Variants in GALNT3 observed in about 807,000 individuals in gnomAD.
The protein encoded by GALNT3 is GalNAc transferase 3.
In GALNT3, 51 loss-of-function variants were observed where a neutral mutation model predicts 69.8. The observed-to-expected ratio is 0.73, with a 90% CI of 0.58 to 0.92. GALNT3 has a LOEUF of 0.92. Among genes scored for constraint, GALNT3 ranks in the 40% least tolerant of loss-of-function variants. GALNT3 has a pLI of 0.00. For synonymous variants in GALNT3, 265 were observed against 248.5 expected (o/e 1.07, Z -0.63); for missense variants, 711 against 760.0 (o/e 0.94, Z 0.76).
chr2:165,749,855 T>C lies in GALNT3; in HGVS notation c.1666A>G (p.Ile556Val). ...GCATGAAGACATAATTCCTTCTGGATGTTGTGCCGAATTTCATGTTGAGCA... is the reference window on the plus strand; with the variant it reads ...GCATGAAGACATAATTCCTTCTGGACGTTGTGCCGAATTTCATGTTGAGCA... The part of the protein sequence containing the change: ...YSAQHEIRHN[I>V]QKELCLHAAQ... The change falls in exon 10 of 11, where the codon ATC (isoleucine) becomes GTC (valine). Residue 556 changes from isoleucine to valine, a missense_variant. Ile to Val is a conservative substitution (Grantham distance 29). Coordinates refer to ENST00000392701, the MANE Select transcript of GALNT3 (RefSeq NM_004482.4). 6.2e-7 allele frequency: 1 copy of C among 1,613,656 alleles called. No individual in the cohort carries two copies. Among genetic ancestry groups the C allele is most frequent in the Non-Finnish European group, 8.5e-7 (1 of 1,179,656 alleles).
intron 2 of GALNT3, among the ~76,000 whole-genome samples, chr2:165,767,423 T>C (rs1005308610): frequency 2.6e-5 from 4 of 152,214 alleles, no homozygotes; most frequent in African/African-American, 9.6e-5. Flanking sequence ...ATTTAAAGTA[T>C]AAAATTTCAC....
intron 7 of GALNT3, among the ~76,000 whole-genome samples, chr2:165,756,474 C>T (rs1477718423): frequency 6.6e-6 from 1 of 152,048 alleles, no homozygotes; most frequent in East Asian, 1.9e-4. Context: ...AGACAGCATG[C>T]GTATTTCATC....
intron 1 of GALNT3, among the ~76,000 whole-genome samples, chr2:165,781,562 C>T (rs1440310051): frequency 2.0e-5 from 3 of 150,984 alleles, no homozygotes; most frequent in Non-Finnish European, 4.4e-5. Context: ...CCCACCACTG[C>T]GTTCCATCCT....
chr2:165,793,314 C>CGTGGATGGTGA (rs1683391273), intron 1 of GALNT3, among the ~76,000 whole-genome samples: 1 of 152,112 alleles, frequency 6.6e-6, no homozygotes, highest in Non-Finnish European at 1.5e-5. Flanking sequence ...GTGGTTGGTG[C>CGTGGATGGTGA]GTGGCAGTTG....
At position 165,757,119 on chromosome 2, in the gene GALNT3, T is replaced by C; in HGVS notation, c.1320A>G (p.Ala440=). The C allele has an allele frequency of 6.2e-7, 1 of 1,614,118 alleles. No homozygotes were observed. Among genetic ancestry groups the C allele is most frequent in the Non-Finnish European group, 8.5e-7 (1 of 1,179,968 alleles). The change falls in exon 7 of 11, where the codon GCA becomes GCG. Residue 440 remains alanine (A), a synonymous_variant. Transcript: ENST00000392701. ...CCTTGTATTCATCCATCCAGACTTC[T>C]GCAAGGCGAACTTGGTTTCTAGCAA... The part of the protein sequence containing the change: ...QVIARNQVRL[A]EVWMDEYKEI...
At chr2:165,788,274 G>A (rs1259608238) in intron 1 of GALNT3, among the ~76,000 whole-genome samples, 2 of 135,800 alleles carry the variant, frequency 1.5e-5, no homozygotes, top group African/African-American at 2.8e-5. Flanking sequence ...CCAAGATCAC[G>A]CCACTGCACT....
At position 165,755,025 on chromosome 2, in the gene GALNT3, T is replaced by C. The variant is rs777492317; in HGVS notation, c.1431A>G (p.Lys477=). The part of the protein sequence containing the change: ...FGDLSKRFEI[K]HRLQCKNFTW... ...TAAAATTTTTACACTGAAGGCGGTG[T>C]TTTATTTCAAATCTTTTTGAAAGAT... is the stretch of plus-strand genomic sequence containing the variant. The change falls in exon 8 of 11, where the codon AAA becomes AAG. Residue 477 remains lysine (K), a synonymous_variant. Transcript: ENST00000392701. 2 of 1,612,380 alleles carry C rather than the reference T, an allele frequency of 1.2e-6. No individual in the cohort carries two copies. The highest frequency in any genetic ancestry group is 1.7e-6 in the Non-Finnish European group (2 of 1,178,582).
chr2:165,760,779 A>G (rs569594186), intron 4 of GALNT3, among the ~76,000 whole-genome samples: 2 of 152,288 alleles, frequency 1.3e-5, no homozygotes, highest in East Asian at 3.9e-4. Context: ...GGCCAATTCA[A>G]AGCTAGACAC....
chr2:165,775,579 ATATTAGGCT>A (rs1256208056), intron 1 of GALNT3, among the ~76,000 whole-genome samples: 1 of 152,192 alleles, frequency 6.6e-6, no homozygotes, highest in African/African-American at 2.4e-5. Context: ...TTAATGTGCA[ATATTAGGCT>A]TCCATTAATG....
At chr2:165,760,655 TAAAAG>T (rs1005237782) in intron 4 of GALNT3, among the ~76,000 whole-genome samples, 4 of 152,176 alleles carry the variant, frequency 2.6e-5, no homozygotes, top group African/African-American at 9.7e-5. Flanking sequence ...TGTCTGGTAT[TAAAAG>T]AGAACTGAAT....
chr2:165,769,438 A>AATC (rs1688710106), intron 2 of GALNT3, among the ~76,000 whole-genome samples: 1 of 116,900 alleles, frequency 8.6e-6, no homozygotes, highest in East Asian at 2.9e-4. Context: ...TAATAATAAT[A>AATC]ATAAATAAAT....
intron 2 of GALNT3, among the ~76,000 whole-genome samples, chr2:165,767,724 A>C (rs2105416366): frequency 6.6e-6 from 1 of 152,336 alleles, no homozygotes; most frequent in South Asian, 2.1e-4. Context: ...TGGCACATAG[A>C]AACATGCTTA....
intron 1 of GALNT3, among the ~76,000 whole-genome samples, chr2:165,787,072 T>C (rs1683237971): frequency 6.6e-6 from 1 of 152,264 alleles, no homozygotes. Flanking sequence ...TATAAGTTAA[T>C]GCTCCCAGGT....
At chr2:165,791,836 G>A (rs1253422822) in intron 1 of GALNT3, among the ~76,000 whole-genome samples, 1 of 152,166 alleles carries the variant, frequency 6.6e-6, no homozygotes, top group East Asian at 1.9e-4. Context: ...ACAATGAGAG[G>A]AGCATGATGC....
chr2:165,776,220 C>CT (rs1688843608), intron 1 of GALNT3, among the ~76,000 whole-genome samples: 2 of 152,090 alleles, frequency 1.3e-5, no homozygotes, highest in Non-Finnish European at 2.9e-5. Context: ...TGCCATGTTC[C>CT]TTGTCAGTAC....
At position 165,754,951 on chromosome 2, in the gene GALNT3, T is replaced by C; in HGVS notation, c.1505A>G (p.Asn502Ser). Reference sequence around the variant, plus strand: ...ACTCACGTATCCAGATATAACAGGATTAAGGTCTGGCACATACACCTCTGG... The same window carrying C: ...ACTCACGTATCCAGATATAACAGGACTAAGGTCTGGCACATACACCTCTGG... The part of the protein sequence containing the change: ...IYPEVYVPDL[N>S]PVISGYIKSV... Residue 502 changes from asparagine (N) to serine (S), a missense_variant, in exon 8 of 11, where the codon AAT becomes AGT. Transcript: ENST00000392701. 1 of 1,613,460 alleles carries C rather than the reference T, an allele frequency of 6.2e-7. No individual in the cohort carries two copies. Among genetic ancestry groups the C allele is most frequent in the Admixed American group, 1.7e-5 (1 of 60,006 alleles).
At chr2:165,764,273 C>T (rs918115300) in intron 3 of GALNT3, among the ~76,000 whole-genome samples, 72 of 152,190 alleles carry the variant, frequency 4.7e-4, no homozygotes, top group Non-Finnish European at 6.5e-4. Flanking sequence ...CTCTTTTTAA[C>T]TATTCATTTA....
intron 6 of GALNT3, among the ~76,000 whole-genome samples, chr2:165,758,376 C>G (rs1307558870): frequency 6.6e-6 from 1 of 152,052 alleles, no homozygotes; most frequent in Non-Finnish European, 1.5e-5. Context: ...ACAGTTAAGT[C>G]CAATGTCCTT....
intron 3 of GALNT3, 43 bp from the exon 4 acceptor site, chr2:165,762,097 T>A (rs1688562114): frequency 1.5e-6 from 2 of 1,343,472 alleles, no homozygotes; most frequent in East Asian, 2.3e-5. Flanking sequence ...CTAAATGCAT[T>A]TTCATATATA....
Sources: gnomAD v4.1 joint callset for allele counts (sites outside exome capture counted in the v4.1 genomes callset) on GRCh38, gnomAD v4.1.1 for gene constraint, MANE v1.5 for transcripts, NCBI Gene and HGNC (gene_info 2026-07-23, HGNC 2026-07-21) for gene names.